Variants in MAPK10 observed in about 807,000 individuals in gnomAD.
The protein encoded by MAPK10 is mitogen-activated protein kinase 10, also known as JNK3 alpha protein kinase.
Under a neutral mutation model 59.3 loss-of-function variants are expected in MAPK10, and 25 were observed. The ratio of observed to expected loss-of-function variants is 0.42; its 90% confidence interval spans 0.31 to 0.59. The LOEUF is 0.59. Among genes scored for constraint, MAPK10 ranks in the 20% least tolerant of loss-of-function variants. The pLI is 0.15. For synonymous variants in MAPK10, 190 were observed against 200.5 expected, an observed-to-expected ratio of 0.95 and a Z score of 0.44; for missense variants, 351 against 568.9, an observed-to-expected ratio of 0.62 and a Z score of 3.90.
At chr4:86,154,536 C>T (rs1040684461) in intron 4 of MAPK10, among the ~76,000 whole-genome samples, 4 of 152,066 alleles carry the variant, frequency 2.6e-5, no homozygotes, top group Non-Finnish European at 5.9e-5. Context: ...ATGTGCTGAC[C>T]TTTACAATTT....
intron 2 of MAPK10, among the ~76,000 whole-genome samples, chr4:86,260,704 T>C (rs78235053): frequency 0.064 from 9,769 of 152,176 alleles, 371 homozygotes; most frequent in Middle Eastern, 0.099. Context: ...TGGCTTTCTA[T>C]AGAAAATAAA....
At chr4:86,569,693 T>G (rs1296407205) in intron 1 of MAPK10, among the ~76,000 whole-genome samples, 3 of 152,000 alleles carry the variant, frequency 2.0e-5, no homozygotes, top group Non-Finnish European at 4.4e-5. Flanking sequence ...GTGAAATGAC[T>G]CAGAAACAGA....
chr4:86,305,072 A>C (rs911768869), intron 2 of MAPK10, among the ~76,000 whole-genome samples: 1 of 152,202 alleles, frequency 6.6e-6, no homozygotes, highest in African/African-American at 2.4e-5. Flanking sequence ...AACAAACAAA[A>C]AATATATGGT....
intron 2 of MAPK10, among the ~76,000 whole-genome samples, chr4:86,325,055 C>G (rs1041753609): frequency 6.6e-6 from 1 of 152,116 alleles, no homozygotes; most frequent in Non-Finnish European, 1.5e-5. Flanking sequence ...AATTTAGTTT[C>G]TAATTTCCAA....
intron 3 of MAPK10, among the ~76,000 whole-genome samples, chr4:86,160,938 T>A (rs1019453777): frequency 1.3e-5 from 2 of 151,998 alleles, no homozygotes; most frequent in African/African-American, 4.8e-5. Context: ...TTTCCCCATA[T>A]TCACTTAGAA....
intron 3 of MAPK10, among the ~76,000 whole-genome samples, chr4:86,179,027 C>T (rs907722609): frequency 1.6e-4 from 24 of 152,008 alleles, no homozygotes; most frequent in African/African-American, 5.1e-4. Context: ...ATGATGAAAC[C>T]TTGTCTCTAC....
intron 1 of MAPK10, among the ~76,000 whole-genome samples, chr4:86,529,814 A>AT (rs1757732668): frequency 1.3e-5 from 2 of 152,090 alleles, no homozygotes; most frequent in Non-Finnish European, 1.5e-5. Flanking sequence ...AACACATTGT[A>AT]TTTTTTGTCC....
intron 2 of MAPK10, among the ~76,000 whole-genome samples, chr4:86,313,367 A>C (rs1456292800): frequency 6.6e-6 from 1 of 152,140 alleles, no homozygotes; most frequent in Non-Finnish European, 1.5e-5. Flanking sequence ...CAATAACTAT[A>C]AAAATAAAAG....
At chr4:86,407,780 C>A (rs1744550999) in intron 1 of MAPK10, among the ~76,000 whole-genome samples, 1 of 150,792 alleles carries the variant, frequency 6.6e-6, no homozygotes, top group South Asian at 2.1e-4. Flanking sequence ...TAAATGGTGA[C>A]AGGAATCTCA....
chr4:86,442,045 C>T (rs186468435), intron 1 of MAPK10, among the ~76,000 whole-genome samples: 1 of 152,284 alleles, frequency 6.6e-6, no homozygotes, highest in African/African-American at 2.4e-5. Context: ...TAGCCTCTGA[C>T]TCCTCCAGAA....
intron 1 of MAPK10, among the ~76,000 whole-genome samples, chr4:86,504,764 C>T (rs759034961): frequency 1.3e-5 from 2 of 152,102 alleles, no homozygotes; most frequent in Non-Finnish European, 2.9e-5. Context: ...TTATCTACAC[C>T]TGAGTGAGCA....
intron 9 of MAPK10, chr4:86,082,169 A>C (rs1238449486): frequency 6.6e-6 from 1 of 152,186 alleles, no homozygotes; most frequent in East Asian, 1.9e-4. Flanking sequence ...AGATAGTAAA[A>C]AGAAATATTT....
intron 2 of MAPK10, chr4:86,352,116 T>G (rs1232489695): frequency 6.6e-6 from 1 of 152,146 alleles, no homozygotes; most frequent in African/African-American, 2.4e-5. Context: ...ATGCAACTGA[T>G]TGGGGAAAAT....
At chr4:86,550,528 G>A (rs181427463) in intron 1 of MAPK10, among the ~76,000 whole-genome samples, 35 of 151,822 alleles carry the variant, frequency 2.3e-4, no homozygotes, top group South Asian at 4.2e-4. Flanking sequence ...TTGAAATGCC[G>A]TCTCTACTAA....
intron 3 of MAPK10, among the ~76,000 whole-genome samples, chr4:86,168,510 G>T (rs184654195): frequency 2.6e-5 from 4 of 152,240 alleles, no homozygotes; most frequent in Non-Finnish European, 4.4e-5. Flanking sequence ...GGCTGGGGGA[G>T]AGGCGCCCGC....
At chr4:86,316,534 C>A (rs1258382413) in intron 2 of MAPK10, among the ~76,000 whole-genome samples, 2 of 152,124 alleles carry the variant, frequency 1.3e-5, no homozygotes, top group African/African-American at 4.8e-5. Flanking sequence ...CATATACATG[C>A]ACACAGAAAA....
At chr4:86,282,627 G>A (rs533486590) in intron 2 of MAPK10, among the ~76,000 whole-genome samples, 1 of 152,260 alleles carries the variant, frequency 6.6e-6, no homozygotes, top group Non-Finnish European at 1.5e-5. Context: ...ACCAAGAGGG[G>A]AAAGAGTATT....
chr4:86,226,390 C>T (rs1321423166), intron 2 of MAPK10, among the ~76,000 whole-genome samples: 1 of 152,154 alleles, frequency 6.6e-6, no homozygotes, highest in Non-Finnish European at 1.5e-5. Flanking sequence ...ATGCTAAATA[C>T]AATGGGACAT....
At chr4:86,457,784 T>C (rs1310090134), upstream of MAPK10, among the ~76,000 whole-genome samples, 1 of 151,840 alleles carries the variant, frequency 6.6e-6, no homozygotes, top group Non-Finnish European at 1.5e-5. Context: ...CCACCATCAT[T>C]CTTCACAGAA....
Sources: gnomAD v4.1 joint callset for allele counts (sites outside exome capture counted in the v4.1 genomes callset) on GRCh38, gnomAD v4.1.1 for gene constraint, MANE v1.5 for transcripts, NCBI Gene and HGNC (gene_info 2026-07-23, HGNC 2026-07-21) for gene names.